The following GAPDH variants were observed in gnomAD, a reference collection of about 807,000 sequenced individuals.
The protein encoded by GAPDH is glyceraldehyde-3-phosphate dehydrogenase.
Under a neutral mutation model 31.2 loss-of-function variants are expected in GAPDH, and 13 were observed. The observed-to-expected ratio is 0.42, with a 90% CI of 0.27 to 0.66. The LOEUF (loss-of-function observed/expected upper bound fraction) is 0.66, where lower values mean the gene tolerates loss of function less well. GAPDH is among the 30% of genes least tolerant of loss of function. GAPDH has a pLI of 0.26. For missense variants in GAPDH, 300 were observed against 443.7 expected, an observed-to-expected ratio of 0.68 and a Z score of 2.91; for synonymous variants, 211 against 166.9, an observed-to-expected ratio of 1.26 and a Z score of -2.04.
rs768116523 is a variant in GAPDH at position 6,537,942 on chromosome 12, T to TCC, written c.884_885insCC (p.Asp296LeufsTer74). On this transcript the variant is annotated frameshift_variant, in exon 8 of 9. Coordinates refer to ENST00000229239, the MANE Select transcript of GAPDH (RefSeq NM_002046.7). LOFTEE classifies it high-confidence loss of function. This position sits in a 1 kb window ranked among gnomAD's most constrained non-coding sequence, Gnocchi z 4.9. ...AACAGCGACACCCACTCCTCCACCT[T>TCC]TGACGCTGGGGCTGGCATTGCCCTC... The TCC allele has an allele frequency of 6.2e-7, 1 of 1,614,120 alleles. No individual in the cohort carries two copies. The highest frequency in any genetic ancestry group is 1.1e-5 in the South Asian group (1 of 91,086).
In GAPDH at chr12:6,538,259, C is replaced by T. The variant is rs1470873511; in HGVS notation, c.*89C>T. The T allele has an allele frequency of 8.4e-6, 9 of 1,066,412 alleles. No individual in the cohort carries two copies. The highest frequency in any genetic ancestry group is 5.4e-5 in the Admixed American group (3 of 55,524). The allele number at this position is 1,066,412 out of a possible 1,614,324, so 66.1% of individuals were successfully genotyped here. On this transcript the variant is annotated 3_prime_UTR_variant, in exon 9 of 9. Transcript: ENST00000229239. ...AGTCCCTGCCACACTCAGTCCCCCA[C>T]CACACTGAATCTCCCCTCCTCACAG...
chr12:6,538,088 T>C lies in GAPDH; in HGVS notation c.939-13T>C, dbSNP rs766958294. 24 of 1,587,192 alleles carry C rather than the reference T, an allele frequency of 1.5e-5. No homozygotes were observed. The African/African-American group carries it at 2.3e-4, about 15-fold the overall frequency. The stretch of plus-strand genomic sequence containing the variant: ...TCAGAAAAAGGGCCCTGACAACTCT[T>C]TTCATCTTCTAGGTATGACAACGAA... On this transcript the variant is annotated splice_polypyrimidine_tract_variant and intron_variant, in intron 8 of 8. Coordinates refer to ENST00000229239, the MANE Select transcript of GAPDH (RefSeq NM_002046.7).
intron 4 of GAPDH, 52 bp from the exon 5 acceptor site, chr12:6,536,868 A>G: frequency 1.9e-6 from 3 of 1,589,348 alleles, no homozygotes; most frequent in South Asian, 2.2e-5. Flanking sequence ...GTATATGGTA[A>G]CCTTGTGTCC....
chr12:6,537,002 A>G lies in GAPDH; in HGVS notation c.319A>G (p.Lys107Glu). 6.2e-7 allele frequency: 1 copy of G among 1,613,520 alleles called. No individual in the cohort carries two copies. The highest frequency in any genetic ancestry group is 8.5e-7 in the Non-Finnish European group (1 of 1,179,730). Residue 107 changes from lysine to glutamate, a missense_variant, in exon 5 of 9, where the codon AAG (lysine) becomes GAG (glutamate). Physicochemically the swap from Lys to Glu is moderately conservative, Grantham distance 56 (BLOSUM62 1). Transcript: ENST00000229239. The surrounding 1 kb of genome is among the most constrained non-coding windows in gnomAD (Gnocchi z 4.9). Reference sequence around the variant, plus strand: ...CACTGGCGTCTTCACCACCATGGAGAAGGCTGGGGTGAGTGCAGGAGGGCC... The same window carrying G: ...CACTGGCGTCTTCACCACCATGGAGGAGGCTGGGGTGAGTGCAGGAGGGCC... The part of the protein sequence containing the change: ...ESTGVFTTME[K>E]AGAHLQGGAK...
intron 2 of GAPDH, 41 bp from the exon 3 acceptor site, chr12:6,536,453 G>C (rs768867359): frequency 6.9e-7 from 1 of 1,439,492 alleles, no homozygotes; most frequent in East Asian, 2.3e-5. Flanking sequence ...TATTCTGGAG[G>C]AGCCTCCCCT....
intron 1 of GAPDH, 68 bp downstream of exon 1, chr12:6,534,637 C>T (rs1265734664): frequency 1.1e-5 from 7 of 648,540 alleles, no homozygotes; most frequent in African/African-American, 3.7e-5. Flanking sequence ...CGGGCGCAGG[C>T]CGGATGTGTT....
Position 6,537,286 on chromosome 12 carries a change from C to T in GAPDH, c.444-23C>T. On this transcript the variant is annotated intron_variant, in intron 6 of 8. Transcript: ENST00000229239. The surrounding 1 kb of genome is among the most constrained non-coding windows in gnomAD (Gnocchi z 4.9). ...TATGGACACGCTCCCCTGACTTGCGCCCCGCTCCCTCTTTCTTTGCAGCAA... is the reference window on the plus strand; with the variant it reads ...TATGGACACGCTCCCCTGACTTGCGTCCCGCTCCCTCTTTCTTTGCAGCAA... The T allele has an allele frequency of 6.2e-7, 1 of 1,600,692 alleles. No individual in the cohort carries two copies. Among genetic ancestry groups the T allele is most frequent in the Non-Finnish European group, 8.5e-7 (1 of 1,178,798 alleles).
At chr12:6,534,976 G>A (rs558069721) in intron 2 of GAPDH, 115 bp downstream of exon 2, 5 of 1,195,630 alleles carry the variant, frequency 4.2e-6, no homozygotes, top group East Asian at 4.9e-5. Context: ...GCTGTTCCCC[G>A]CAAGGAGAGC....
rs45534631 is a variant in GAPDH, at chr12:6,535,405, A to G, written c.29+544A>G. The G allele has an allele frequency of 2.9e-3, 2,870 of 988,874 alleles. 64 individuals carry two copies. In the African/African-American group the frequency reaches 0.046, roughly 16 times the overall value. The allele number at this position is 988,874 out of a possible 1,614,324, so 61.3% of individuals were successfully genotyped here. ...TGGAGTCGCGTGTGGCGGGGAAGTC[A>G]GGTGGAGCGAGGCTAGCTGGCCCGA... On this transcript the variant is annotated intron_variant, in intron 2 of 8. Coordinates refer to ENST00000229239, the MANE Select transcript of GAPDH (RefSeq NM_002046.7).
rs751702388 is a variant in GAPDH, at chr12:6,537,275, CCT to C, written c.444-33_444-32del. Reference sequence around the variant, plus strand: ...GCCTGGCACCCTATGGACACGCTCCCCTGACTTGCGCCCCGCTCCCTCTTTCT... The same window carrying C: ...GCCTGGCACCCTATGGACACGCTCCCGACTTGCGCCCCGCTCCCTCTTTCT... On this transcript the variant is annotated intron_variant, in intron 6 of 8. Transcript: ENST00000229239. This position sits in a 1 kb window ranked among gnomAD's most constrained non-coding sequence, Gnocchi z 4.9. The C allele has an allele frequency of 3.8e-6, 6 of 1,599,888 alleles. 1 individual carries two copies. The highest frequency in any genetic ancestry group is 4.6e-5 in the East Asian group (2 of 43,702).
Position 6,537,196 on chromosome 12 carries a change from C to G in GAPDH, c.423C>G (p.Asp141Glu). The change falls in exon 6 of 9, where the codon GAC (aspartate) becomes GAG (glutamate). Residue 141 changes from aspartate (D) to glutamate (E), a missense_variant. By Grantham distance (45) the Asp-to-Glu change is conservative. Transcript: ENST00000229239. The surrounding 1 kb of genome is among the most constrained non-coding windows in gnomAD (Gnocchi z 4.9). ...TGGGTGTGAACCATGAGAAGTATGA[C>G]AACAGCCTCAAGATCATCAGGTGAG... Reference protein sequence around the residue: ...FVMGVNHEKYDNSLKIISNAS... With the variant: ...FVMGVNHEKYENSLKIISNAS... The G allele has an allele frequency of 6.2e-7, 1 of 1,612,610 alleles. No homozygotes were observed. Among genetic ancestry groups the G allele is most frequent in the Non-Finnish European group, 8.5e-7 (1 of 1,179,854 alleles).
rs959578414 is a variant in GAPDH at position 6,537,524 on chromosome 12, G to A, written c.526-60G>A. 1.3e-6 allele frequency: 2 copies of A among 1,587,304 alleles called. No homozygotes were observed. The highest frequency in any genetic ancestry group is 1.7e-5 in the Admixed American group (1 of 58,660). On this transcript the variant is annotated intron_variant, in intron 7 of 8. Transcript: ENST00000229239. This position sits in a 1 kb window ranked among gnomAD's most constrained non-coding sequence, Gnocchi z 4.9. Reference sequence around the variant, plus strand: ...CTTTCCCATAATTTCCTTTCAAGGTGGGGAGGGAGGTAGAGGGGTGATGTG... The same window carrying A: ...CTTTCCCATAATTTCCTTTCAAGGTAGGGAGGGAGGTAGAGGGGTGATGTG...
In GAPDH at chr12:6,536,484, T is replaced by C. The variant is rs2136069989; in HGVS notation, c.30-10T>C. Reference sequence around the variant, plus strand: ...CCCCTCCTCATGCCTTCTTGCCTCTTGTCTCTTAGATTTGGTCGTATTGGG... The same window carrying C: ...CCCCTCCTCATGCCTTCTTGCCTCTCGTCTCTTAGATTTGGTCGTATTGGG... On this transcript the variant is annotated splice_polypyrimidine_tract_variant and intron_variant, in intron 2 of 8. Coordinates refer to ENST00000229239, the MANE Select transcript of GAPDH (RefSeq NM_002046.7). 1 of 1,606,848 alleles carries C rather than the reference T, an allele frequency of 6.2e-7. No homozygotes were observed. The highest frequency in any genetic ancestry group is 1.1e-5 in the South Asian group (1 of 90,644).
rs563328381 is a variant in GAPDH, at chr12:6,535,218, C to T, written c.29+357C>T. 1.3e-5 allele frequency: 14 copies of T among 1,098,822 alleles called. 1 individual carries two copies. In the East Asian group the frequency reaches 2.8e-4, roughly 22 times the overall value. The allele number at this position is 1,098,822 out of a possible 1,614,324, so 68.1% of individuals were successfully genotyped here. ...AGAGGAGCCCCTCCCCCACGGCCTC[C>T]GGCACCGCAGGCCCCGGGATGCTAG... is the stretch of plus-strand genomic sequence containing the variant. On this transcript the variant is annotated intron_variant, in intron 2 of 8. Transcript: ENST00000229239.
chr12:6,534,550 ATCT>A lies in GAPDH; in HGVS notation c.-38_-36del, dbSNP rs1367796845. 34 of 512,684 alleles carry A rather than the reference ATCT, an allele frequency of 6.6e-5. No homozygotes were observed. The highest frequency in any genetic ancestry group is 1.0e-4 in the African/African-American group (5 of 48,180). The allele number at this position is 512,684 out of a possible 1,614,324, so 31.8% of individuals were successfully genotyped here. A position where few individuals can be genotyped will look rare whatever the true frequency, so the allele number is the denominator to read the frequency against. ...CTCCTCCTGTTCGACAGTCAGCCGC[ATCT>A]TCTTTTGCGTCGCCAGGTGAAGACG... On this transcript the variant is annotated 5_prime_UTR_variant, in exon 1 of 9. Coordinates refer to ENST00000229239, the MANE Select transcript of GAPDH (RefSeq NM_002046.7).
At chr12:6,535,061 G>A (rs45524841) in intron 2 of GAPDH, 200 bp downstream of exon 2, 2 of 786,940 alleles carry the variant, frequency 2.5e-6, no homozygotes, top group Admixed American at 3.2e-5. Flanking sequence ...CCCTTGCGGC[G>A]CCATCTGCCC....
intron 2 of GAPDH, chr12:6,535,205 C>A: frequency 9.1e-7 from 1 of 1,096,150 alleles, no homozygotes; most frequent in Non-Finnish European, 1.1e-6. Context: ...AGGAGCCCCT[C>A]CCCCACGGCC....
Position 6,536,990 on chromosome 12 carries a change from A to G in GAPDH, c.307A>G (p.Thr103Ala), listed in dbSNP as rs751350310. 6.2e-7 allele frequency: 1 copy of G among 1,613,374 alleles called. No homozygotes were observed. Among genetic ancestry groups the G allele is most frequent in the South Asian group, 1.1e-5 (1 of 91,070 alleles). Residue 103 changes from threonine (T) to alanine (A), a missense_variant, in exon 5 of 9, where the codon ACC (threonine) becomes GCC (alanine). Thr to Ala is a moderately conservative substitution (Grantham distance 58). Coordinates refer to ENST00000229239, the MANE Select transcript of GAPDH (RefSeq NM_002046.7). Reference protein sequence around the residue: ...EYVVESTGVFTTMEKAGAHLQ... With the variant: ...EYVVESTGVFATMEKAGAHLQ... ...CGTCGTGGAGTCCACTGGCGTCTTC[A>G]CCACCATGGAGAAGGCTGGGGTGAG...
At chr12:6,535,145 G>A in intron 2 of GAPDH, 1 of 1,004,664 alleles carries the variant, frequency 1.0e-6, no homozygotes, top group South Asian at 2.4e-5. Flanking sequence ...GGACCCCTAG[G>A]TGGGGGACGC....
Sources: gnomAD v4.1 joint callset for allele counts on GRCh38, gnomAD v4.1.1 for gene constraint, Gnocchi (gnomAD v3.1) non-coding constraint, MANE v1.5 for transcripts, NCBI Gene and HGNC (gene_info 2026-07-23, HGNC 2026-07-21) for gene names.